PPIL4: variants seen among roughly 807,000 people sequenced by gnomAD.
PPIL4 encodes peptidyl-prolyl cis-trans isomerase-like 4.
In PPIL4, 50 loss-of-function variants were observed where a neutral mutation model predicts 69.1. The observed-to-expected ratio is 0.72, with a 90% CI of 0.58 to 0.92. PPIL4 has a LOEUF of 0.92. Among genes scored for constraint, PPIL4 ranks in the 40% least tolerant of loss-of-function variants. The pLI is 0.00. For synonymous variants in PPIL4, 193 were observed against 191.6 expected, an observed-to-expected ratio of 1.01 and a Z score of -0.06; for missense variants, 480 against 587.9, an observed-to-expected ratio of 0.82 and a Z score of 1.90.
At chr6:149,540,598 A>C (rs1180094604) in intron 4 of PPIL4, among the ~76,000 whole-genome samples, 1 of 152,230 alleles carries the variant, frequency 6.6e-6, no homozygotes, top group Non-Finnish European at 1.5e-5. Context: ...TCTGGGAGAC[A>C]GAGTGAGACT....
In PPIL4 at chr6:149,505,231, C is replaced by A; in HGVS notation, c.*222G>T. On this transcript the variant is annotated 3_prime_UTR_variant, in exon 13 of 13. Transcript: ENST00000253329. ...GTAAGACTTCAAAAATGAAGACTAC[C>A]ATTTATGTATAACAATAAAATTAGT... 5.0e-6 allele frequency: 2 copies of A among 403,790 alleles called. No individual in the cohort carries two copies. The highest frequency in any genetic ancestry group is 8.8e-6 in the Non-Finnish European group (2 of 228,368). 25.0% of individuals were successfully genotyped at this position (403,790 alleles called of 1,614,324 possible).
chr6:149,534,842 A>G, intron 5 of PPIL4, 68 bp from the exon 6 acceptor site: 1 of 964,618 alleles, frequency 1.0e-6, no homozygotes, highest in Non-Finnish European at 1.5e-6. Flanking sequence ...TTATTTTAAT[A>G]GATTACAAAA....
At chr6:149,518,974 A>C (rs1398715223) in intron 10 of PPIL4, among the ~76,000 whole-genome samples, 3 of 152,256 alleles carry the variant, frequency 2.0e-5, no homozygotes, top group Non-Finnish European at 2.9e-5. Context: ...AAGTTTATAA[A>C]TGTGAATCAA....
In PPIL4 at chr6:149,520,935, C is replaced by T. The variant is rs1365307683; in HGVS notation, c.982+125G>A. On this transcript the variant is annotated intron_variant, in intron 10 of 12. Transcript: ENST00000253329. Reference sequence around the variant, plus strand: ...GGCTGAGGCATGAGAATGGCTTGAACCTGGGAGACACAGGTTGCAGTGAAC... The same window carrying T: ...GGCTGAGGCATGAGAATGGCTTGAATCTGGGAGACACAGGTTGCAGTGAAC... 4 of 589,152 alleles carry T rather than the reference C, an allele frequency of 6.8e-6. No homozygotes were observed. The East Asian group carries it at 1.2e-4, about 18-fold the overall frequency. The allele number at this position is 589,152 out of a possible 1,614,324, so 36.5% of individuals were successfully genotyped here.
intron 12 of PPIL4, among the ~76,000 whole-genome samples, chr6:149,507,184 T>G (rs1776781610): frequency 6.6e-6 from 1 of 152,178 alleles, no homozygotes. Context: ...ATACCCATGG[T>G]TAAGGACTGG....
chr6:149,507,684 C>G (rs1776788079), intron 12 of PPIL4, among the ~76,000 whole-genome samples: 1 of 152,090 alleles, frequency 6.6e-6, no homozygotes, highest in Non-Finnish European at 1.5e-5. Flanking sequence ...TTATGTAGCA[C>G]TTCATTCTTT....
chr6:149,515,201 G>A (rs1172519919), intron 11 of PPIL4, among the ~76,000 whole-genome samples: 1 of 144,490 alleles, frequency 6.9e-6, no homozygotes, highest in Non-Finnish European at 1.5e-5. Context: ...TGCCCTGGCT[G>A]CTCTCAAACT....
chr6:149,525,891 G>T (rs549358740), intron 8 of PPIL4, among the ~76,000 whole-genome samples: 2 of 152,132 alleles, frequency 1.3e-5, no homozygotes, highest in East Asian at 3.9e-4. Flanking sequence ...ACAAGGTCAG[G>T]AGCTCGAGAC....
rs189467000 is a variant in PPIL4 at position 149,526,956 on chromosome 6, C to T, written c.679-180G>A. 2.0e-5 allele frequency among the ~76,000 whole-genome samples: 3 copies of T among 152,336 alleles called. No individual in the cohort carries two copies. In the East Asian group the frequency reaches 5.8e-4, roughly 29 times the overall value. On this transcript the variant is annotated intron_variant, in intron 7 of 12. Coordinates refer to ENST00000253329, the MANE Select transcript of PPIL4 (RefSeq NM_139126.4). ...TGAACTACACTGTTCCTATTCTTAA[C>T]AGTGTTAATAGCTAATATTTAAATA...
intron 3 of PPIL4, 39 bp from the exon 4 acceptor site, chr6:149,541,098 A>C: frequency 1.7e-6 from 2 of 1,161,952 alleles, no homozygotes; most frequent in Non-Finnish European, 2.6e-6. Context: ...AAGTACTCTC[A>C]AAATGAAATA....
At chr6:149,509,001 A>C (rs1260774936) in intron 12 of PPIL4, among the ~76,000 whole-genome samples, 2 of 152,170 alleles carry the variant, frequency 1.3e-5, no homozygotes, top group Non-Finnish European at 2.9e-5. Flanking sequence ...AAATAATAAA[A>C]AATCGGGGGG....
rs185645854 is a variant in PPIL4, at chr6:149,523,677, C to A, written c.870+1466G>T. Among the ~76,000 whole-genome samples, 446 of 137,366 alleles carry A rather than the reference C, an allele frequency of 3.2e-3. 3 individuals carry two copies. Among genetic ancestry groups the A allele is most frequent in the African/African-American group, 0.012 (432 of 36,808 alleles). The allele number at this position is 137,366 out of a possible 152,430, so 90.1% of individuals were successfully genotyped here. ...CTACACTCCAGCCTGGGTGACAAAG[C>A]AAAACTCTGTTTCAAAAAAATAAAA... On this transcript the variant is annotated intron_variant, in intron 9 of 12. Coordinates refer to ENST00000253329, the MANE Select transcript of PPIL4 (RefSeq NM_139126.4).
chr6:149,513,395 AAAAAAAAAAAAAAAAAAAT>A (rs1474507721), intron 11 of PPIL4, among the ~76,000 whole-genome samples: 4 of 97,862 alleles, frequency 4.1e-5, no homozygotes, highest in African/African-American at 1.6e-4. Flanking sequence ...CAAAAAAAAA[AAAAAAAAAAAAAAAAAAAT>A]ATATATATAT....
rs76072715 is a variant in PPIL4, at chr6:149,545,182, C to G, written c.70+754G>C. On this transcript the variant is annotated intron_variant, in intron 1 of 12. Coordinates refer to ENST00000253329, the MANE Select transcript of PPIL4 (RefSeq NM_139126.4). ...CTTGCCGTTTCCAGAAAATTCCAAACAAAGAAAGTCCAAGCTAAGAAAACC... is the reference window on the plus strand; with the variant it reads ...CTTGCCGTTTCCAGAAAATTCCAAAGAAAGAAAGTCCAAGCTAAGAAAACC... Among the ~76,000 whole-genome samples the G allele has an allele frequency of 2.0e-5, 3 of 152,280 alleles. No homozygotes were observed. In the East Asian group the frequency reaches 5.8e-4, roughly 29 times the overall value.
At chr6:149,516,859 A>AT in intron 11 of PPIL4, 1 of 152,434 alleles carries the variant, frequency 6.6e-6, no homozygotes, top group East Asian at 1.9e-4. Context: ...GAAGTTAAAC[A>AT]TAACAGCAGG....
At chr6:149,516,015 A>G (rs1427405880) in intron 11 of PPIL4, among the ~76,000 whole-genome samples, 1 of 152,142 alleles carries the variant, frequency 6.6e-6, no homozygotes, top group East Asian at 1.9e-4. Flanking sequence ...CCCTAACAGC[A>G]TTTCTCTCTT....
At chr6:149,511,037 T>C (rs1164835383) in intron 12 of PPIL4, among the ~76,000 whole-genome samples, 1 of 152,116 alleles carries the variant, frequency 6.6e-6, no homozygotes, top group Non-Finnish European at 1.5e-5. Flanking sequence ...TATGTAAACC[T>C]AGCTCTCCTG....
intron 4 of PPIL4, among the ~76,000 whole-genome samples, chr6:149,540,025 A>G (rs547116821): frequency 8.0e-4 from 122 of 152,244 alleles, no homozygotes; most frequent in African/African-American, 2.9e-3. Flanking sequence ...GCTACTCGGG[A>G]GGCTGAGGCA....
At chr6:149,525,234 C>CT (rs1238756737) in intron 8 of PPIL4, 25 bp from the exon 9 acceptor site, 4 of 1,168,320 alleles carry the variant, frequency 3.4e-6, no homozygotes, top group East Asian at 2.5e-5. Flanking sequence ...TTAAAAGTGA[C>CT]TTAAAAAAAA....
Sources: gnomAD v4.1 joint callset for allele counts (sites outside exome capture counted in the v4.1 genomes callset) on GRCh38, gnomAD v4.1.1 for gene constraint, MANE v1.5 for transcripts, NCBI Gene and HGNC (gene_info 2026-07-23, HGNC 2026-07-21) for gene names.